Variants in TYRO3 observed in about 807,000 individuals in gnomAD.
TYRO3 encodes the protein TYRO3 protein tyrosine kinase.
A neutral mutation model predicts 95.2 loss-of-function variants in TYRO3; 38 were observed. That is an observed-to-expected ratio of 0.40 (90% CI 0.31 to 0.52). The LOEUF is 0.52. TYRO3 is among the 20% of genes least tolerant of loss of function. TYRO3 has a pLI of 0.56. For synonymous variants in TYRO3, 367 were observed against 432.9 expected, an observed-to-expected ratio of 0.85 and a Z score of 1.89; for missense variants, 812 against 1,116.4, an observed-to-expected ratio of 0.73 and a Z score of 3.89.
rs759660000 is a variant in TYRO3 at position 41,577,930 on chromosome 15, G to A, written c.2327G>A (p.Arg776His). The change falls in exon 19 of 19, where the codon CGC becomes CAC. Residue 776 changes from arginine (R) to histidine (H), a missense_variant. Transcript: ENST00000263798. ...TGCTGGAGTGCTGACCCCAAGCAGC[G>A]CCCGAGCTTTACTTGTCTGCGAATG... ...YQCWSADPKQRPSFTCLRMEL... is the reference protein window; with the variant it reads ...YQCWSADPKQHPSFTCLRMEL... 8 of 1,613,038 alleles carry A rather than the reference G, an allele frequency of 5.0e-6. No individual in the cohort carries two copies. Among genetic ancestry groups the A allele is most frequent in the Non-Finnish European group, 6.8e-6 (8 of 1,180,044 alleles).
intron 6 of TYRO3, among the ~76,000 whole-genome samples, chr15:41,566,158 C>A (rs1295150466): frequency 6.6e-6 from 1 of 151,760 alleles, no homozygotes; most frequent in Non-Finnish European, 1.5e-5. Context: ...ACAAAAAATA[C>A]AAAAATTATC....
chr15:41,574,569 A>T (rs2055838727), intron 18 of TYRO3: 1 of 445,030 alleles, frequency 2.2e-6, no homozygotes, highest in South Asian at 1.6e-5. Context: ...GTAAGTGAAT[A>T]AGTTGGAATT....
chr15:41,574,663 C>T lies in TYRO3; in HGVS notation c.2282+848C>T, dbSNP rs141910656. 817 of 456,052 alleles carry T rather than the reference C, an allele frequency of 1.8e-3. 7 individuals are homozygous for T. The highest frequency in any genetic ancestry group is 5.6e-4 in the South Asian group (36 of 64,558). The allele number at this position is 456,052 out of a possible 1,614,324, so 28.3% of individuals were successfully genotyped here. ...GTGATTTGTCTGTTCTAGTCTTACA[C>T]TCCCACTCCATCCAAGCCAAGGGCT... On this transcript the variant is annotated intron_variant, in intron 18 of 18. Coordinates refer to ENST00000263798, the MANE Select transcript of TYRO3 (RefSeq NM_006293.4).
At position 41,568,198 on chromosome 15, in the gene TYRO3, C is replaced by A; in HGVS notation, c.962-19C>A. Reference sequence around the variant, plus strand: ...TGGGAAGGGCAGGGGTCTTAGCAATCTTCTCTCTTTGGCTGCAGCCCCAGC... The same window carrying A: ...TGGGAAGGGCAGGGGTCTTAGCAATATTCTCTCTTTGGCTGCAGCCCCAGC... On this transcript the variant is annotated intron_variant, in intron 7 of 18. Coordinates refer to ENST00000263798, the MANE Select transcript of TYRO3 (RefSeq NM_006293.4). 1 of 1,609,280 alleles carries A rather than the reference C, an allele frequency of 6.2e-7. No homozygotes were observed. Among genetic ancestry groups the A allele is most frequent in the South Asian group, 1.1e-5 (1 of 90,812 alleles).
chr15:41,567,797 G>A (rs2055743265), intron 7 of TYRO3, among the ~76,000 whole-genome samples: 1 of 152,178 alleles, frequency 6.6e-6, no homozygotes, highest in African/African-American at 2.4e-5. Flanking sequence ...AGGTCTGAAG[G>A]ATAAAGATCT....
At position 41,573,724 on chromosome 15, in the gene TYRO3, A is replaced by G. The variant is rs1029516133; in HGVS notation, c.2191A>G (p.Thr731Ala). The change falls in exon 18 of 19, where the codon ACG (threonine) becomes GCG (alanine). Residue 731 changes from threonine (T) to alanine (A), a missense_variant. Coordinates refer to ENST00000263798, the MANE Select transcript of TYRO3 (RefSeq NM_006293.4). ...TMWEIMTRGQ[T>A]PYAGIENAEI... Reference sequence around the variant, plus strand: ...GTGGGAGATCATGACACGTGGGCAGACGCCATATGCTGGCATCGAAAACGC... The same window carrying G: ...GTGGGAGATCATGACACGTGGGCAGGCGCCATATGCTGGCATCGAAAACGC... The G allele has an allele frequency of 1.9e-6, 3 of 1,614,276 alleles. No individual in the cohort carries two copies. Among genetic ancestry groups the G allele is most frequent in the Non-Finnish European group, 2.5e-6 (3 of 1,180,050 alleles).
chr15:41,564,145 T>G, intron 4 of TYRO3, 39 bp from the exon 5 acceptor site: 1 of 1,581,234 alleles, frequency 6.3e-7, no homozygotes. Context: ...CTGAGTGGGG[T>G]TGCTGCTTGG....
chr15:41,562,351 A>AT (rs2055668015), intron 3 of TYRO3, 197 bp from the exon 4 acceptor site: 1 of 439,886 alleles, frequency 2.3e-6, no homozygotes, highest in African/African-American at 2.1e-5. Flanking sequence ...AAAAAAAAAA[A>AT]AAAATTCCTA....
At position 41,572,433 on chromosome 15, in the gene TYRO3, C is replaced by G. The variant is rs746536079; in HGVS notation, c.1754-10C>G. On this transcript the variant is annotated splice_polypyrimidine_tract_variant and intron_variant, in intron 14 of 18. Transcript: ENST00000263798. ...TTCTATGCTCAGCTCCTGACTCTCC[C>G]TTGTCCCAGGGGTAAGCCTCCGGAG... 2 of 1,069,312 alleles carry G rather than the reference C, an allele frequency of 1.9e-6. No homozygotes were observed. Among genetic ancestry groups the G allele is most frequent in the South Asian group, 2.7e-5 (2 of 74,532 alleles). The allele number at this position is 1,069,312 out of a possible 1,614,324, so 66.2% of individuals were successfully genotyped here.
In TYRO3 at chr15:41,577,732, C is replaced by A. The variant is rs556491262; in HGVS notation, c.2283-154C>A. 13 of 708,382 alleles carry A rather than the reference C, an allele frequency of 1.8e-5. No individual in the cohort carries two copies. The East Asian group carries it at 2.5e-4, about 13-fold the overall frequency. 43.9% of individuals were successfully genotyped at this position (708,382 alleles called of 1,614,324 possible). A position where few individuals can be genotyped will look rare whatever the true frequency, so the allele number is the denominator to read the frequency against. On this transcript the variant is annotated intron_variant, in intron 18 of 18. Coordinates refer to ENST00000263798, the MANE Select transcript of TYRO3 (RefSeq NM_006293.4). The stretch of plus-strand genomic sequence containing the variant: ...GAACTCCTGGGCTCAAATAATACCC[C>A]CCTTCGGCCTCCCAAAGTGTTGAGA...
At chr15:41,560,448 C>T (rs1358366371) in intron 1 of TYRO3, among the ~76,000 whole-genome samples, 2 of 140,100 alleles carry the variant, frequency 1.4e-5, no homozygotes, top group Non-Finnish European at 3.1e-5. Context: ...CGCGCGCGCT[C>T]GCACGCAAGT....
At chr15:41,572,932 G>A in intron 15 of TYRO3, 70 bp from the exon 16 acceptor site, 1 of 1,063,934 alleles carries the variant, frequency 9.4e-7, no homozygotes, top group Non-Finnish European at 1.3e-6. Flanking sequence ...TTTCTGGCCA[G>A]GGACCCCCAT....
Position 41,572,400 on chromosome 15 carries a change from C to T in TYRO3, c.1754-43C>T, listed in dbSNP as rs202139635. On this transcript the variant is annotated intron_variant, in intron 14 of 18. Coordinates refer to ENST00000263798, the MANE Select transcript of TYRO3 (RefSeq NM_006293.4). ...ACTTATGCAGACACCTGAACTGCCC[C>T]TTGACCCTTCTATGCTCAGCTCCTG... 9 of 1,540,496 alleles carry T rather than the reference C, an allele frequency of 5.8e-6. No individual in the cohort carries two copies. In the African/African-American group the frequency reaches 1.1e-4, roughly 19 times the overall value.
At chr15:41,570,971 C>T (rs1479239794) in intron 12 of TYRO3, 67 bp from the exon 13 acceptor site, 2 of 1,540,896 alleles carry the variant, frequency 1.3e-6, no homozygotes, top group Non-Finnish European at 1.8e-6. Context: ...TGGAGGGTCA[C>T]TTGGGAGGAA....
chr15:41,564,381 A>G, intron 5 of TYRO3, 111 bp downstream of exon 5: 4 of 1,084,878 alleles, frequency 3.7e-6, no homozygotes, highest in African/African-American at 1.5e-5. Flanking sequence ...TCCTGCTGGG[A>G]TCTAGGGAGC....
chr15:41,579,782 G>A lies in TYRO3; in HGVS notation c.*1506G>A, dbSNP rs2055903529. 7.5e-6 allele frequency: 1 copy of A among 132,880 alleles called. No individual in the cohort carries two copies. The highest frequency in any genetic ancestry group is 7.6e-5 in the Admixed American group (1 of 13,176). 8.2% of individuals were successfully genotyped at this position (132,880 alleles called of 1,614,324 possible). On this transcript the variant is annotated 3_prime_UTR_variant, in exon 19 of 19. Coordinates refer to ENST00000263798, the MANE Select transcript of TYRO3 (RefSeq NM_006293.4). ...TCTTTTTTTTTTTTTTTTTGAGACC[G>A]AGTCTCACTCTGTCGCCCAGGCTGG...
chr15:41,571,364 GTGGTTGGTTGACCTGC>G (rs2055793629), intron 13 of TYRO3, among the ~76,000 whole-genome samples: 1 of 152,228 alleles, frequency 6.6e-6, no homozygotes, highest in East Asian at 1.9e-4. Context: ...GATTACAGCT[GTGGTTGGTTGACCTGC>G]TGGGCTGCCC....
At chr15:41,576,919 C>T (rs2055868195) in intron 18 of TYRO3, among the ~76,000 whole-genome samples, 1 of 151,924 alleles carries the variant, frequency 6.6e-6, no homozygotes, top group Non-Finnish European at 1.5e-5. Context: ...TAGCCTCAGC[C>T]TCCTGAGTAG....
intron 12 of TYRO3, 148 bp from the exon 13 acceptor site, chr15:41,570,890 C>A: frequency 2.1e-6 from 2 of 955,818 alleles, no homozygotes; most frequent in Non-Finnish European, 3.3e-6. Context: ...CTGCTCCCAG[C>A]ATGCTCTTGC....
Sources: gnomAD v4.1 joint callset for allele counts (sites outside exome capture counted in the v4.1 genomes callset) on GRCh38, gnomAD v4.1.1 for gene constraint, MANE v1.5 for transcripts, NCBI Gene and HGNC (gene_info 2026-07-23, HGNC 2026-07-21) for gene names.